Variants in KDM2A observed in about 807,000 individuals in gnomAD.
KDM2A encodes lysine-specific demethylase 2A.
KDM2A carries 3 observed loss-of-function variants against 137.3 expected under a neutral mutation model. That is an observed-to-expected ratio of 0.02 (90% CI 0.01 to 0.06). KDM2A has a LOEUF of 0.06. KDM2A is among the 10% of genes least tolerant of loss of function. The pLI, the probability that KDM2A is intolerant of heterozygous loss-of-function variation, is 1.00. For synonymous variants in KDM2A, 512 were observed against 541.5 expected, an observed-to-expected ratio of 0.95 and a Z score of 0.76; for missense variants, 738 against 1,510.6, an observed-to-expected ratio of 0.49 and a Z score of 8.48.
chr11:67,156,291 T>C (rs989416301), intron 2 of KDM2A, among the ~76,000 whole-genome samples: 1 of 143,500 alleles, frequency 7.0e-6, no homozygotes, highest in African/African-American at 2.6e-5. Flanking sequence ...TTTTATAACA[T>C]ATGAAAGTAT....
chr11:67,257,339 C>T lies in KDM2A; in HGVS notation c.*2284C>T, dbSNP rs1209025224. On this transcript the variant is annotated 3_prime_UTR_variant, in exon 21 of 21. Transcript: ENST00000529006. ...GAAAAGGCAGCAGATGGACCATGCC[C>T]TTGCTGGGTTTTCCTTTTCTTTGGG... 6.6e-6 allele frequency: 1 copy of T among 152,582 alleles called. No individual in the cohort carries two copies. The highest frequency in any genetic ancestry group is 1.5e-5 in the Non-Finnish European group (1 of 68,030). The allele number at this position is 152,582 out of a possible 1,614,324, so 9.5% of individuals were successfully genotyped here. A position where few individuals can be genotyped will look rare whatever the true frequency, so the allele number is the denominator to read the frequency against.
chr11:67,147,257 A>C (rs1856273615), intron 2 of KDM2A, among the ~76,000 whole-genome samples: 1 of 151,926 alleles, frequency 6.6e-6, no homozygotes, highest in Non-Finnish European at 1.5e-5. Context: ...TATGACTTCC[A>C]CTGGGCCGGG....
At chr11:67,192,949 CA>C (rs1857392442) in intron 5 of KDM2A, among the ~76,000 whole-genome samples, 1 of 152,124 alleles carries the variant, frequency 6.6e-6, no homozygotes, top group Non-Finnish European at 1.5e-5. Context: ...CATATTCACT[CA>C]AATACTTGAT....
At chr11:67,128,207 T>G (rs1212417985) in intron 2 of KDM2A, among the ~76,000 whole-genome samples, 2 of 151,900 alleles carry the variant, frequency 1.3e-5, no homozygotes, top group African/African-American at 4.8e-5. Flanking sequence ...TTCACTGTGT[T>G]GTCCAGGCTG....
rs369092079 is a variant in KDM2A at position 67,226,723 on chromosome 11, A to G, written c.958-1314A>G. On this transcript the variant is annotated intron_variant, in intron 10 of 20. Coordinates refer to ENST00000529006, the MANE Select transcript of KDM2A (RefSeq NM_012308.3). ...GGCAACAGAGCAAGACTCCGTCTCA[A>G]AAAACAAACGAAAATCAATCAGATT... is the stretch of plus-strand genomic sequence containing the variant. 9.8e-5 allele frequency among the ~76,000 whole-genome samples: 15 copies of G among 152,348 alleles called. 1 individual carries two copies. The South Asian group carries it at 1.2e-3, about 13-fold the overall frequency.
At chr11:67,156,544 C>T (rs1448077343) in intron 2 of KDM2A, among the ~76,000 whole-genome samples, 18 of 151,754 alleles carry the variant, frequency 1.2e-4, no homozygotes, top group African/African-American at 3.4e-4. Context: ...AGTGAAACCC[C>T]GTCTCTACTA....
rs1859613292 is a variant in KDM2A, at chr11:67,256,358, A to G, written c.*1303A>G. ...AGAGAGCTTTTTGCACTTTAAAAAA[A>G]AAAAGAAAGAAAGAAAGGTCGGAAT... On this transcript the variant is annotated 3_prime_UTR_variant, in exon 21 of 21. Transcript: ENST00000529006. The G allele has an allele frequency of 2.0e-5, 3 of 152,518 alleles. No individual in the cohort carries two copies. In the South Asian group the frequency reaches 6.2e-4, roughly 32 times the overall value. 9.4% of individuals were successfully genotyped at this position (152,518 alleles called of 1,614,324 possible). A position where few individuals can be genotyped will look rare whatever the true frequency, so the allele number is the denominator to read the frequency against.
intron 17 of KDM2A, 173 bp from the exon 18 acceptor site, chr11:67,252,521 A>G (rs1859461308): frequency 4.4e-6 from 3 of 680,338 alleles, no homozygotes; most frequent in East Asian, 2.8e-5. Flanking sequence ...GTAGAGTTCA[A>G]GGCAATTTTT....
intron 12 of KDM2A, chr11:67,240,203 G>A (rs1251349551): frequency 1.3e-6 from 2 of 1,534,588 alleles, no homozygotes; most frequent in Non-Finnish European, 1.7e-6. Flanking sequence ...GGACTGCCCT[G>A]CCCTATGTGC....
At position 67,209,746 on chromosome 11, in the gene KDM2A, T is replaced by C. The variant is rs374956650; in HGVS notation, c.486+2058T>C. Among the ~76,000 whole-genome samples the C allele has an allele frequency of 7.6e-4, 115 of 152,188 alleles. No homozygotes were observed. In the South Asian group the frequency reaches 0.023, roughly 31 times the overall value. ...GGTGTGAGCCACTGTACCCGGCCAA[T>C]TTCCAGAATTTTAATTTAAAAATAA... On this transcript the variant is annotated intron_variant, in intron 6 of 20. Coordinates refer to ENST00000529006, the MANE Select transcript of KDM2A (RefSeq NM_012308.3).
At chr11:67,154,554 T>C (rs1399749817) in intron 2 of KDM2A, among the ~76,000 whole-genome samples, 1 of 152,156 alleles carries the variant, frequency 6.6e-6, no homozygotes, top group Non-Finnish European at 1.5e-5. Flanking sequence ...TGCCTCAGCC[T>C]CCTGAGTAGC....
intron 2 of KDM2A, among the ~76,000 whole-genome samples, chr11:67,160,904 TC>T (rs1246021169): frequency 6.6e-6 from 1 of 152,186 alleles, no homozygotes; most frequent in African/African-American, 2.4e-5. Context: ...GCCCAGGAGT[TC>T]AAGTCCAATG....
chr11:67,157,380 AGT>A (rs1260192050), intron 2 of KDM2A, among the ~76,000 whole-genome samples: 5 of 149,902 alleles, frequency 3.3e-5, no homozygotes, highest in Non-Finnish European at 7.4e-5. Flanking sequence ...TTCGTGTGTG[AGT>A]GTGTGTGATT....
At chr11:67,197,364 T>G (rs1857507997) in intron 5 of KDM2A, among the ~76,000 whole-genome samples, 1 of 152,038 alleles carries the variant, frequency 6.6e-6, no homozygotes, top group Non-Finnish European at 1.5e-5. Flanking sequence ...TTTGTAGAGA[T>G]GGGATTTTGC....
chr11:67,160,049 C>T (rs11227720), intron 2 of KDM2A, among the ~76,000 whole-genome samples: 3,442 of 152,228 alleles, frequency 0.023, 46 homozygotes, highest in East Asian at 0.054. Flanking sequence ...AAGTATATGT[C>T]ACTGTGATGG....
intron 2 of KDM2A, among the ~76,000 whole-genome samples, chr11:67,145,319 CA>C (rs1270046970): frequency 6.6e-6 from 1 of 151,510 alleles, no homozygotes; most frequent in African/African-American, 2.4e-5. Context: ...ACCCCGTCTA[CA>C]AAAAACACAC....
At chr11:67,180,368 C>CTT in intron 3 of KDM2A, 151 bp downstream of exon 3, 1 of 688,694 alleles carries the variant, frequency 1.5e-6, no homozygotes. Context: ...TTTGCATGCA[C>CTT]TTATCCCCCA....
chr11:67,138,155 T>TA (rs1412765680), intron 2 of KDM2A, among the ~76,000 whole-genome samples: 1 of 152,106 alleles, frequency 6.6e-6, no homozygotes, highest in African/African-American at 2.4e-5. Context: ...GAAATGCCGT[T>TA]AAGTGGCACA....
At chr11:67,170,715 A>G (rs1217580609) in intron 2 of KDM2A, among the ~76,000 whole-genome samples, 2 of 152,108 alleles carry the variant, frequency 1.3e-5, no homozygotes, top group East Asian at 1.9e-4. Context: ...ACCTGGCCCA[A>G]GCATGGTTTT....
Sources: allele counts gnomAD v4.1 joint callset (sites outside exome capture counted in the v4.1 genomes callset), GRCh38; gene constraint gnomAD v4.1.1; transcripts MANE v1.5; gene names NCBI Gene and HGNC (gene_info 2026-07-23, HGNC 2026-07-21).